RPN2: variants seen among roughly 807,000 people sequenced by gnomAD.
RPN2 encodes dolichyl-diphosphooligosaccharide--protein glycosyltransferase subunit 2.
A neutral mutation model predicts 71.4 loss-of-function variants in RPN2; 29 were observed. The observed-to-expected ratio is 0.41, with a 90% CI of 0.30 to 0.55. The LOEUF (loss-of-function observed/expected upper bound fraction) is 0.55, where lower values mean the gene tolerates loss of function less well. Among genes scored for constraint, RPN2 ranks in the 20% least tolerant of loss-of-function variants. The pLI, the probability that RPN2 is intolerant of heterozygous loss-of-function variation, is 0.35. For synonymous variants in RPN2, 308 were observed against 305.0 expected, an observed-to-expected ratio of 1.01 and a Z score of -0.10; for missense variants, 726 against 774.1, an observed-to-expected ratio of 0.94 and a Z score of 0.74.
Position 37,223,954 on chromosome 20 carries a change from C to T in RPN2, c.1169C>T (p.Ala390Val), listed in dbSNP as rs943388232. The T allele has an allele frequency of 2.5e-6, 4 of 1,614,016 alleles. No individual in the cohort carries two copies. The highest frequency in any genetic ancestry group is 2.7e-5 in the African/African-American group (2 of 75,044). ...ACCGTGGATAAGGATCAGAGCATTGCACCCAAAACTACCCGGTAGGTGAGA... is the reference window on the plus strand; with the variant it reads ...ACCGTGGATAAGGATCAGAGCATTGTACCCAAAACTACCCGGTAGGTGAGA... The part of the protein sequence containing the change: ...LSTVDKDQSI[A>V]PKTTRVTYPA... Residue 390 changes from alanine to valine, a missense_variant, in exon 10 of 17, where the codon GCA (alanine) becomes GTA (valine). Physicochemically the swap from Ala to Val is moderately conservative, Grantham distance 64 (BLOSUM62 0). Transcript: ENST00000237530.
chr20:37,201,699 G>A (rs962097788), intron 4 of RPN2, among the ~76,000 whole-genome samples: 4 of 152,230 alleles, frequency 2.6e-5, no homozygotes, highest in South Asian at 2.1e-4. Context: ...AGAATGTCTC[G>A]TAGGGTCATT....
At chr20:37,231,376 C>CAA (rs201796625) in intron 13 of RPN2, among the ~76,000 whole-genome samples, 6 of 147,986 alleles carry the variant, frequency 4.1e-5, no homozygotes, top group Non-Finnish European at 6.0e-5. Flanking sequence ...AAACAAAAAA[C>CAA]AAAAAAAAAA....
intron 2 of RPN2, among the ~76,000 whole-genome samples, chr20:37,184,816 G>C (rs1219516745): frequency 6.6e-6 from 1 of 152,122 alleles, no homozygotes; most frequent in Non-Finnish European, 1.5e-5. Flanking sequence ...ATTTCAGTTT[G>C]ACAGATCTGT....
At chr20:37,239,221 C>G (rs372673318) in intron 16 of RPN2, among the ~76,000 whole-genome samples, 3 of 152,196 alleles carry the variant, frequency 2.0e-5, no homozygotes, top group African/African-American at 7.2e-5. Context: ...CTACTCAACT[C>G]TGTCACTGTC....
intron 9 of RPN2, 28 bp downstream of exon 9, chr20:37,213,893 C>A: frequency 6.6e-7 from 1 of 1,521,088 alleles, no homozygotes; most frequent in Non-Finnish European, 9.1e-7. Context: ...CTTCCCATTG[C>A]CATGTTAGTA....
At chr20:37,220,117 C>G (rs1451887561) in intron 9 of RPN2, among the ~76,000 whole-genome samples, 1 of 152,124 alleles carries the variant, frequency 6.6e-6, no homozygotes, top group Non-Finnish European at 1.5e-5. Flanking sequence ...CTTTTCCTCC[C>G]TAGTGATGGA....
chr20:37,203,500 C>T (rs2067441958), intron 4 of RPN2, among the ~76,000 whole-genome samples: 1 of 152,056 alleles, frequency 6.6e-6, no homozygotes. Context: ...GCTACCATAC[C>T]TGGCTCATTT....
chr20:37,223,125 A>G (rs1218128918), intron 9 of RPN2, among the ~76,000 whole-genome samples: 1 of 152,240 alleles, frequency 6.6e-6, no homozygotes, highest in African/African-American at 2.4e-5. Context: ...AAAAGAGAGA[A>G]TCACACATTG....
At position 37,199,196 on chromosome 20, in the gene RPN2, T is replaced by C; in HGVS notation, c.450T>C (p.Ala150=). Reference sequence around the variant, plus strand: ...AAGAAGCACTCAGTGCCCTTACTGCTCGTCTCAGCAAGGAGGAGACTGTGC... The same window carrying C: ...AAGAAGCACTCAGTGCCCTTACTGCCCGTCTCAGCAAGGAGGAGACTGTGC... The part of the protein sequence containing the change: ...ASQEALSALT[A]RLSKEETVLA... The change falls in exon 4 of 17, where the codon GCT becomes GCC. Residue 150 remains alanine, a synonymous_variant. Transcript: ENST00000237530. 6.2e-7 allele frequency: 1 copy of C among 1,614,144 alleles called. No homozygotes were observed.
At chr20:37,200,077 C>T (rs1415924227) in intron 4 of RPN2, among the ~76,000 whole-genome samples, 3 of 152,080 alleles carry the variant, frequency 2.0e-5, no homozygotes, top group Non-Finnish European at 4.4e-5. Flanking sequence ...TCACTGCAAC[C>T]TCCGCCTCCC....
intron 9 of RPN2, among the ~76,000 whole-genome samples, chr20:37,215,571 T>G (rs2067787101): frequency 6.6e-6 from 1 of 152,172 alleles, no homozygotes; most frequent in African/African-American, 2.4e-5. Flanking sequence ...TCCCTGTACT[T>G]CGAGTCCATC....
At chr20:37,231,752 T>TA (rs2146694444) in intron 13 of RPN2, among the ~76,000 whole-genome samples, 1 of 151,296 alleles carries the variant, frequency 6.6e-6, no homozygotes, top group South Asian at 2.1e-4. Flanking sequence ...GAAGTTCGTT[T>TA]AGGGCTTCCT....
At chr20:37,222,806 T>A (rs1203345885) in intron 9 of RPN2, among the ~76,000 whole-genome samples, 1 of 152,268 alleles carries the variant, frequency 6.6e-6, no homozygotes, top group Non-Finnish European at 1.5e-5. Flanking sequence ...AAATTTAACA[T>A]GTTTTCTGTC....
chr20:37,236,850 A>T (rs2068410717), intron 16 of RPN2, 141 bp downstream of exon 16: 1 of 820,662 alleles, frequency 1.2e-6, no homozygotes, highest in African/African-American at 1.7e-5. Context: ...CCAGTACAGA[A>T]GCCAGAAGCA....
At chr20:37,211,257 A>G (rs1225594824) in intron 8 of RPN2, among the ~76,000 whole-genome samples, 1 of 148,554 alleles carries the variant, frequency 6.7e-6, no homozygotes, top group Non-Finnish European at 1.5e-5. Context: ...CTGGTCTTGA[A>G]CTCCTGACCT....
At chr20:37,189,925 C>T (rs971543924) in intron 2 of RPN2, among the ~76,000 whole-genome samples, 7 of 152,170 alleles carry the variant, frequency 4.6e-5, no homozygotes, top group African/African-American at 1.7e-4. Context: ...AGTGATGCTT[C>T]GTACTTCTGC....
chr20:37,180,299 G>A (rs2066827196), intron 1 of RPN2, among the ~76,000 whole-genome samples: 1 of 152,218 alleles, frequency 6.6e-6, no homozygotes, highest in Non-Finnish European at 1.5e-5. Flanking sequence ...CCTGAAGTTT[G>A]ATTTTCAGTG....
intron 7 of RPN2, 95 bp downstream of exon 7, chr20:37,207,544 C>T: frequency 8.5e-7 from 1 of 1,171,542 alleles, no homozygotes; most frequent in Admixed American, 1.7e-5. Flanking sequence ...AATTACAGCC[C>T]CTACAAGGAC....
In RPN2 at chr20:37,215,127, A is replaced by G. The variant is rs2067776682; in HGVS notation, c.1092+1262A>G. Reference sequence around the variant, plus strand: ...CATGGACATTTATTTTACTATATACATTGTGGTCCATGACTCATTTATCTT... The same window carrying G: ...CATGGACATTTATTTTACTATATACGTTGTGGTCCATGACTCATTTATCTT... On this transcript the variant is annotated intron_variant, in intron 9 of 16. Coordinates refer to ENST00000237530, the MANE Select transcript of RPN2 (RefSeq NM_002951.5). Among the ~76,000 whole-genome samples the G allele has an allele frequency of 2.6e-5, 4 of 152,288 alleles. 1 individual carries two copies. The highest frequency in any genetic ancestry group is 4.1e-4 in the South Asian group (2 of 4,824).
Sources: gnomAD v4.1 joint callset for allele counts (sites outside exome capture counted in the v4.1 genomes callset) on GRCh38, gnomAD v4.1.1 for gene constraint, MANE v1.5 for transcripts, NCBI Gene and HGNC (gene_info 2026-07-23, HGNC 2026-07-21) for gene names.